Variants in MBTD1 observed in about 807,000 individuals in gnomAD.
MBTD1 encodes the protein MBT domain-containing protein 1.
In MBTD1, 24 loss-of-function variants were observed where a neutral mutation model predicts 87.8. The observed-to-expected ratio is 0.27, with a 90% CI of 0.20 to 0.38. The LOEUF (loss-of-function observed/expected upper bound fraction) is 0.38. MBTD1 is among the 10% of genes least tolerant of loss of function. The pLI is 1.00. For synonymous variants in MBTD1, 237 were observed against 248.6 expected, an observed-to-expected ratio of 0.95 and a Z score of 0.44; for missense variants, 436 against 760.2, an observed-to-expected ratio of 0.57 and a Z score of 5.02.
At chr17:51,206,705 T>C (rs2051860845) in intron 7 of MBTD1, among the ~76,000 whole-genome samples, 183 bp downstream of exon 7, 1 of 152,214 alleles carries the variant, frequency 6.6e-6, no homozygotes, top group Admixed American at 6.5e-5. Flanking sequence ...ACAGAGATCA[T>C]ATGGCCTGCA....
At chr17:51,217,728 C>T (rs1283390442) in intron 5 of MBTD1, among the ~76,000 whole-genome samples, 1 of 152,170 alleles carries the variant, frequency 6.6e-6, no homozygotes, top group African/African-American at 2.4e-5. Context: ...CCTGCCTCAG[C>T]CTCCCGAGCA....
chr17:51,222,691 G>A (rs899278098), intron 3 of MBTD1, among the ~76,000 whole-genome samples: 5 of 152,002 alleles, frequency 3.3e-5, no homozygotes, highest in African/African-American at 7.2e-5. Context: ...AGCCACCAAC[G>A]CCCAGCGACA....
intron 6 of MBTD1, among the ~76,000 whole-genome samples, chr17:51,209,827 C>T (rs1271357485): frequency 6.6e-6 from 1 of 152,142 alleles, no homozygotes. Context: ...ATCAAAATGT[C>T]TTCAGACTAA....
At chr17:51,238,312 G>A (rs946348325) in intron 2 of MBTD1, among the ~76,000 whole-genome samples, 2 of 152,122 alleles carry the variant, frequency 1.3e-5, no homozygotes, top group African/African-American at 4.8e-5. Context: ...TTTCAGATAT[G>A]CCCCTGAAGC....
At chr17:51,242,057 G>A (rs114267640) in intron 2 of MBTD1, among the ~76,000 whole-genome samples, 1 of 152,184 alleles carries the variant, frequency 6.6e-6, no homozygotes, top group African/African-American at 2.4e-5. Flanking sequence ...CCATTTCTCT[G>A]TCCCAGCCCT....
intron 16 of MBTD1, among the ~76,000 whole-genome samples, chr17:51,181,828 T>C (rs1653908215): frequency 6.6e-6 from 1 of 152,200 alleles, no homozygotes; most frequent in South Asian, 2.1e-4. Flanking sequence ...ATTAACAGTA[T>C]AGCCATGTTT....
chr17:51,188,955 T>C (rs2050675667), intron 16 of MBTD1, among the ~76,000 whole-genome samples: 1 of 151,800 alleles, frequency 6.6e-6, no homozygotes, highest in South Asian at 2.1e-4. Context: ...ACGGGGTTTC[T>C]CCATGTTGGT....
chr17:51,260,008 TCCC>T lies in MBTD1; in HGVS notation c.-289_-287del. Reference sequence around the variant, plus strand: ...TGGCGGGTGCAGCAGCCCCCGGATTTCCCCCCTTTAACTCGGGTGGCCCCAGGA... The same window carrying T: ...TGGCGGGTGCAGCAGCCCCCGGATTTCCCTTTAACTCGGGTGGCCCCAGGA... On this transcript the variant is annotated 5_prime_UTR_variant, in exon 1 of 17. Coordinates refer to ENST00000586178, the MANE Select transcript of MBTD1 (RefSeq NM_017643.3). The T allele has an allele frequency of 3.8e-6, 2 of 521,160 alleles. No homozygotes were observed. The highest frequency in any genetic ancestry group is 5.9e-6 in the Non-Finnish European group (2 of 339,558). The allele number at this position is 521,160 out of a possible 1,614,324, so 32.3% of individuals were successfully genotyped here.
chr17:51,179,593 T>C lies in MBTD1; in HGVS notation c.*983A>G, dbSNP rs1357284077. On this transcript the variant is annotated 3_prime_UTR_variant, in exon 17 of 17. Coordinates refer to ENST00000586178, the MANE Select transcript of MBTD1 (RefSeq NM_017643.3). ...AATTAGTTTTCTACCAAATCCAGGA[T>C]AGATAAAAGCAGAGCTGGAATGATT... is the stretch of plus-strand genomic sequence containing the variant. The C allele has an allele frequency of 2.8e-5, 4 of 141,284 alleles. No individual in the cohort carries two copies. The highest frequency in any genetic ancestry group is 7.4e-5 in the Admixed American group (1 of 13,484). 8.8% of individuals were successfully genotyped at this position (141,284 alleles called of 1,614,324 possible). A position where few individuals can be genotyped will look rare whatever the true frequency, so the allele number is the denominator to read the frequency against.
intron 15 of MBTD1, 165 bp downstream of exon 15, chr17:51,192,617 G>T: frequency 1.6e-6 from 2 of 1,250,702 alleles, no homozygotes; most frequent in Non-Finnish European, 2.2e-6. Flanking sequence ...GGGACACATG[G>T]TCTGATTCTG....
At chr17:51,223,571 C>T (rs938379120) in intron 3 of MBTD1, among the ~76,000 whole-genome samples, 28 of 151,894 alleles carry the variant, frequency 1.8e-4, no homozygotes, top group Non-Finnish European at 7.4e-5. Flanking sequence ...CGTGGTGGCT[C>T]ACCCCAGTAA....
chr17:51,260,437 T>G, upstream of MBTD1: 2 of 839,664 alleles, frequency 2.4e-6, no homozygotes, highest in South Asian at 3.7e-5. Context: ...GGGAGTTACG[T>G]AGAGGGAGGG....
At chr17:51,260,445 G>A (rs113871909), upstream of MBTD1, 3 of 895,718 alleles carry the variant, frequency 3.3e-6, no homozygotes, top group African/African-American at 1.7e-5. Flanking sequence ...CGTAGAGGGA[G>A]GGAGTGCTGG....
intron 2 of MBTD1, among the ~76,000 whole-genome samples, chr17:51,253,743 A>G (rs988455143): frequency 2.6e-5 from 4 of 152,180 alleles, no homozygotes; most frequent in Non-Finnish European, 5.9e-5. Flanking sequence ...AAATTAAAGA[A>G]GAGATCACAA....
intron 3 of MBTD1, among the ~76,000 whole-genome samples, chr17:51,224,263 T>G (rs1201221209): frequency 1.3e-5 from 2 of 152,206 alleles, no homozygotes; most frequent in East Asian, 3.8e-4. Context: ...ATTAAATCAC[T>G]GGGATACACC....
Position 51,195,379 on chromosome 17 carries a change from TTC to T in MBTD1, c.1225-20_1225-19del, listed in dbSNP as rs1388746597. 14 of 1,555,762 alleles carry T rather than the reference TTC, an allele frequency of 9.0e-6. No individual in the cohort carries two copies. The highest frequency in any genetic ancestry group is 1.7e-4 in the Middle Eastern group (1 of 5,840). ...GCTAGCACCTTTTCAATGAAGAGAA[TTC>T]TAAGTACTTGAAATTAGATACCACT... On this transcript the variant is annotated intron_variant, in intron 12 of 16. Coordinates refer to ENST00000586178, the MANE Select transcript of MBTD1 (RefSeq NM_017643.3).
chr17:51,199,600 C>G (rs1338097052), intron 12 of MBTD1, among the ~76,000 whole-genome samples: 1 of 151,256 alleles, frequency 6.6e-6, no homozygotes, highest in African/African-American at 2.4e-5. Context: ...CGCCACCACG[C>G]CTGGCTAATT....
intron 12 of MBTD1, among the ~76,000 whole-genome samples, chr17:51,197,903 C>T (rs1243979142): frequency 1.3e-5 from 2 of 152,180 alleles, no homozygotes; most frequent in East Asian, 1.9e-4. Context: ...TTCTGCATTC[C>T]TTCTGGAATG....
intron 2 of MBTD1, among the ~76,000 whole-genome samples, chr17:51,227,525 C>CACTT (rs1249727354): frequency 1.3e-5 from 2 of 152,018 alleles, no homozygotes. Context: ...CGTGCCCCTG[C>CACTT]ACTTCAGCTT....
Sources: allele counts gnomAD v4.1 joint callset (sites outside exome capture counted in the v4.1 genomes callset), GRCh38; gene constraint gnomAD v4.1.1; transcripts MANE v1.5; gene names NCBI Gene and HGNC (gene_info 2026-07-23, HGNC 2026-07-21).